The following DUS2 variants were observed in gnomAD, a reference collection of about 807,000 sequenced individuals.
The protein encoded by DUS2 is dihydrouridine synthase 2.
In DUS2, 52 loss-of-function variants were observed where a neutral mutation model predicts 71.3. That is an observed-to-expected ratio of 0.73 (90% CI 0.58 to 0.92). DUS2 has a LOEUF of 0.92. Among genes scored for constraint, DUS2 ranks in the 40% least tolerant of loss-of-function variants. The pLI is 0.00. For synonymous variants in DUS2, 204 were observed against 227.8 expected, an observed-to-expected ratio of 0.90 and a Z score of 0.94; for missense variants, 558 against 622.6, an observed-to-expected ratio of 0.90 and a Z score of 1.10.
chr16:68,078,823 G>C lies in DUS2; in HGVS notation c.1319G>C (p.Arg440Pro), dbSNP rs746743242. The change falls in exon 17 of 17, where the codon CGG (arginine) becomes CCG (proline). Residue 440 changes from arginine to proline, a missense_variant. Arg to Pro is a moderately radical substitution (Grantham distance 103). Coordinates refer to ENST00000565263, the MANE Select transcript of DUS2 (RefSeq NM_017803.5). Reference sequence around the variant, plus strand: ...CGGAGCCAGGGCCTCCCTGAGGGTCGGCTGGGTGAGGAGAGCCCTTCCTTG... The same window carrying C: ...CGGAGCCAGGGCCTCCCTGAGGGTCCGCTGGGTGAGGAGAGCCCTTCCTTG... Reference protein sequence around the residue: ...CLRSQGLPEGRLGEESPSLHK... With the variant: ...CLRSQGLPEGPLGEESPSLHK... The C allele has an allele frequency of 3.7e-6, 6 of 1,613,340 alleles. No individual in the cohort carries two copies. Among genetic ancestry groups the C allele is most frequent in the Non-Finnish European group, 5.1e-6 (6 of 1,179,750 alleles).
chr16:68,036,712 T>C (rs1217930941), intron 2 of DUS2, among the ~76,000 whole-genome samples: 1 of 152,204 alleles, frequency 6.6e-6, no homozygotes, highest in Non-Finnish European at 1.5e-5. Context: ...AGTATTGGGA[T>C]TATAGGTGTG....
intron 2 of DUS2, among the ~76,000 whole-genome samples, chr16:68,036,163 AT>A (rs891165125): frequency 1.2e-3 from 155 of 131,842 alleles, no homozygotes; most frequent in Non-Finnish European, 1.3e-3. Context: ...CAGCTGGCTA[AT>A]TTTTTTTTTT....
intron 10 of DUS2, among the ~76,000 whole-genome samples, chr16:68,067,085 CTCCT>C (rs2034017742): frequency 1.1e-5 from 1 of 93,442 alleles, no homozygotes; most frequent in Non-Finnish European, 2.1e-5. Flanking sequence ...CCCTCCCTCC[CTCCT>C]TCCTTCCCTC....
intron 8 of DUS2, among the ~76,000 whole-genome samples, chr16:68,065,015 C>T (rs1026517607): frequency 5.3e-5 from 8 of 152,166 alleles, no homozygotes; most frequent in African/African-American, 1.4e-4. Flanking sequence ...GCTTGCCTGG[C>T]CTGAAATTTC....
At chr16:68,071,966 A>G (rs2034093155) in intron 12 of DUS2, among the ~76,000 whole-genome samples, 1 of 152,184 alleles carries the variant, frequency 6.6e-6, no homozygotes. Context: ...CTTTGGCACA[A>G]CCCTGGAACT....
chr16:68,056,885 T>C (rs2033860942), intron 7 of DUS2, among the ~76,000 whole-genome samples: 1 of 144,116 alleles, frequency 6.9e-6, no homozygotes, highest in Non-Finnish European at 1.5e-5. Context: ...AATATATAGG[T>C]ATATTATATT....
rs1408886677 is a variant in DUS2, at chr16:68,066,316, G to T, written c.418-1G>T. 6.2e-7 allele frequency: 1 copy of T among 1,614,124 alleles called. No homozygotes were observed. Among genetic ancestry groups the T allele is most frequent in the Non-Finnish European group, 8.5e-7 (1 of 1,179,984 alleles). On this transcript the variant is annotated splice_acceptor_variant, in intron 8 of 16. Coordinates refer to ENST00000565263, the MANE Select transcript of DUS2 (RefSeq NM_017803.5). LOFTEE classifies it high-confidence loss of function. ...GTGCTCTTGTGTTTTCCTTTCTGCA[G>T]ATCCTCAGCACTCTTGTTAAAGGGA...
intron 5 of DUS2, 114 bp downstream of exon 5, chr16:68,053,769 G>A: frequency 9.6e-7 from 1 of 1,043,646 alleles, no homozygotes; most frequent in South Asian, 1.4e-5. Flanking sequence ...GTACAACGAT[G>A]GCTTCCTGAA....
intron 8 of DUS2, among the ~76,000 whole-genome samples, chr16:68,063,675 A>G (rs2033970187): frequency 6.6e-6 from 1 of 152,108 alleles, no homozygotes; most frequent in African/African-American, 2.4e-5. Context: ...GGTAACTCTG[A>G]TATATGCTCC....
At chr16:68,047,783 G>GTT (rs36087080) in intron 3 of DUS2, among the ~76,000 whole-genome samples, 3 of 137,620 alleles carry the variant, frequency 2.2e-5, no homozygotes, top group Non-Finnish European at 3.2e-5. Flanking sequence ...GTGCTGGCGT[G>GTT]TTTTTTTTTT....
chr16:68,066,352 T>A lies in DUS2; in HGVS notation c.453T>A (p.Pro151=), dbSNP rs1426140694. Reference sequence around the variant, plus strand: ...CTCTTGTTAAAGGGACACGCAGACCTGTGACCTGCAAGATTCGCATCCTGC... The same window carrying A: ...CTCTTGTTAAAGGGACACGCAGACCAGTGACCTGCAAGATTCGCATCCTGC... The part of the protein sequence containing the change: ...LSTLVKGTRR[P]VTCKIRILPS... The change falls in exon 9 of 17, where the codon CCT becomes CCA. Residue 151 remains proline (P), a synonymous_variant. Coordinates refer to ENST00000565263, the MANE Select transcript of DUS2 (RefSeq NM_017803.5). 1.9e-5 allele frequency: 31 copies of A among 1,614,106 alleles called. No individual in the cohort carries two copies. Among genetic ancestry groups the A allele is most frequent in the Non-Finnish European group, 2.5e-5 (29 of 1,180,042 alleles).
chr16:68,066,431 G>A (rs1598315822), intron 9 of DUS2, 49 bp downstream of exon 9: 2 of 1,602,626 alleles, frequency 1.2e-6, no homozygotes, highest in African/African-American at 1.3e-5. Context: ...TGGTGATGTT[G>A]GATTTAGGTT....
intron 2 of DUS2, among the ~76,000 whole-genome samples, chr16:68,035,973 A>G (rs2033520106): frequency 6.9e-6 from 1 of 143,968 alleles, no homozygotes; most frequent in Non-Finnish European, 1.5e-5. Flanking sequence ...TGTTATATAT[A>G]TATATACATA....
chr16:68,038,820 A>C (rs2033575118), intron 3 of DUS2, among the ~76,000 whole-genome samples: 1 of 151,698 alleles, frequency 6.6e-6, no homozygotes, highest in Non-Finnish European at 1.5e-5. Context: ...AGGCCAAGGC[A>C]GGAGGATCAC....
intron 4 of DUS2, 56 bp downstream of exon 4, chr16:68,049,606 A>G: frequency 6.5e-7 from 1 of 1,534,610 alleles, no homozygotes; most frequent in Non-Finnish European, 9.0e-7. Flanking sequence ...CTCAAGCAGC[A>G]CTACCACTGC....
intron 10 of DUS2, among the ~76,000 whole-genome samples, chr16:68,067,713 G>A (rs955824536): frequency 2.0e-4 from 30 of 152,184 alleles, no homozygotes; most frequent in South Asian, 6.2e-4. Context: ...AGGCTGGAGT[G>A]AAGTGGCACA....
At chr16:68,033,513 C>G in intron 2 of DUS2, among the ~76,000 whole-genome samples, 1 of 151,784 alleles carries the variant, frequency 6.6e-6, no homozygotes, top group Non-Finnish European at 1.5e-5. Flanking sequence ...GAGACAGGGT[C>G]TTGCTCTGTC....
At chr16:68,076,366 C>T (rs1378087515) in intron 14 of DUS2, among the ~76,000 whole-genome samples, 1 of 152,182 alleles carries the variant, frequency 6.6e-6, no homozygotes, top group Non-Finnish European at 1.5e-5. Flanking sequence ...GTCTGGACCT[C>T]AGAGTACTGG....
chr16:68,076,130 C>T (rs1298342992), intron 14 of DUS2, among the ~76,000 whole-genome samples: 4 of 152,154 alleles, frequency 2.6e-5, no homozygotes, highest in Admixed American at 1.3e-4. Context: ...CCCCTCCCAC[C>T]CTGTCACTGT....
Sources: allele counts gnomAD v4.1 joint callset (sites outside exome capture counted in the v4.1 genomes callset), GRCh38; gene constraint gnomAD v4.1.1; transcripts MANE v1.5; gene names NCBI Gene and HGNC (gene_info 2026-07-23, HGNC 2026-07-21).